The following GALNT17 variants were observed in gnomAD, a reference collection of about 807,000 sequenced individuals.
The protein encoded by GALNT17 is polypeptide N-acetylgalactosaminyltransferase 17.
A neutral mutation model predicts 63.7 loss-of-function variants in GALNT17; 29 were observed. The ratio of observed to expected loss-of-function variants is 0.46; its 90% CI spans 0.34 to 0.62. GALNT17 has a LOEUF of 0.62. Ranked by LOEUF, GALNT17 falls within the 20% of genes least tolerant of loss-of-function variation. The pLI, the probability that GALNT17 is intolerant of heterozygous loss-of-function variation, is 0.01. For synonymous variants in GALNT17, 305 were observed against 318.3 expected, an observed-to-expected ratio of 0.96 and a Z score of 0.45; for missense variants, 603 against 799.6, an observed-to-expected ratio of 0.75 and a Z score of 2.97.
chr7:71,320,500 C>T (rs1172616885), intron 1 of GALNT17, among the ~76,000 whole-genome samples: 1 of 152,084 alleles, frequency 6.6e-6, no homozygotes, highest in Non-Finnish European at 1.5e-5. Flanking sequence ...GTCCTCCTGC[C>T]TTGACCTCCC....
intron 5 of GALNT17, among the ~76,000 whole-genome samples, chr7:71,535,800 G>T (rs1788793960): frequency 6.6e-6 from 1 of 152,190 alleles, no homozygotes; most frequent in Admixed American, 6.5e-5. Flanking sequence ...TGGGCCAAGT[G>T]TCAAGATCCA....
intron 5 of GALNT17, among the ~76,000 whole-genome samples, chr7:71,484,621 C>A (rs1787879356): frequency 6.6e-6 from 1 of 152,074 alleles, no homozygotes; most frequent in African/African-American, 2.4e-5. Context: ...GCTACGACAT[C>A]ATTAGGTGAT....
chr7:71,619,745 T>A (rs2116968861), intron 6 of GALNT17, among the ~76,000 whole-genome samples: 1 of 152,292 alleles, frequency 6.6e-6, no homozygotes, highest in East Asian at 1.9e-4. Flanking sequence ...TGAAGAGAGA[T>A]CATTGGATCT....
intron 5 of GALNT17, among the ~76,000 whole-genome samples, chr7:71,488,073 G>A (rs1162021981): frequency 6.6e-6 from 1 of 151,874 alleles, no homozygotes; most frequent in Non-Finnish European, 1.5e-5. Flanking sequence ...GGGAGACCAA[G>A]GCGGAAGGAT....
intron 1 of GALNT17, among the ~76,000 whole-genome samples, chr7:71,231,385 A>G (rs910481977): frequency 2.6e-5 from 4 of 152,114 alleles, no homozygotes; most frequent in African/African-American, 9.7e-5. Flanking sequence ...AATCTGCAAC[A>G]TGGCAGGCGA....
At chr7:71,426,550 T>A (rs1786763931) in intron 5 of GALNT17, among the ~76,000 whole-genome samples, 1 of 152,162 alleles carries the variant, frequency 6.6e-6, no homozygotes, top group Non-Finnish European at 1.5e-5. Flanking sequence ...AACCTGGCAC[T>A]GGCATCTTGG....
intron 6 of GALNT17, among the ~76,000 whole-genome samples, chr7:71,596,124 C>T (rs1055113186): frequency 2.6e-5 from 4 of 152,076 alleles, no homozygotes; most frequent in Non-Finnish European, 2.9e-5. Flanking sequence ...CTGCAACCTC[C>T]GCCTCCTGGG....
rs144028983 is a variant in GALNT17, at chr7:71,571,309, G to C, written c.987G>C (p.Ser329=). The change falls in exon 6 of 11, where the codon TCG becomes TCC. Residue 329 remains serine, a synonymous_variant. Transcript: ENST00000333538. ...GGACCCCAGCCATGATAGGCTGCTC[G>C]TTCGTGGTCAACAGGAAGTTCTTCG... is the stretch of plus-strand genomic sequence containing the variant. ...PIRTPAMIGC[S]FVVNRKFFGE... The C allele has an allele frequency of 1.2e-6, 2 of 1,613,924 alleles. No homozygotes were observed. Among genetic ancestry groups the C allele is most frequent in the African/African-American group, 1.3e-5 (1 of 74,916 alleles).
intron 9 of GALNT17, among the ~76,000 whole-genome samples, chr7:71,694,202 A>G (rs756596288): frequency 6.9e-4 from 105 of 152,108 alleles, no homozygotes; most frequent in Non-Finnish European, 1.3e-3. Flanking sequence ...TAGCACAGGA[A>G]AGACCCACCT....
chr7:71,368,607 G>A (rs745571282), intron 2 of GALNT17, among the ~76,000 whole-genome samples: 13 of 152,028 alleles, frequency 8.6e-5, no homozygotes, highest in Non-Finnish European at 1.6e-4. Flanking sequence ...TTATCCTTCC[G>A]TGTCATAATT....
chr7:71,502,598 A>G (rs555400428), intron 5 of GALNT17, among the ~76,000 whole-genome samples: 62 of 152,278 alleles, frequency 4.1e-4, no homozygotes, highest in African/African-American at 1.4e-3. Flanking sequence ...GACCATGTGA[A>G]CAGGAACTAT....
chr7:71,676,561 TG>T (rs1374825038), intron 8 of GALNT17, among the ~76,000 whole-genome samples: 1 of 152,058 alleles, frequency 6.6e-6, no homozygotes, highest in African/African-American at 2.4e-5. Context: ...TTTGTTTTAA[TG>T]TTTTTTTAGG....
chr7:71,189,242 C>T (rs949321880), intron 1 of GALNT17, among the ~76,000 whole-genome samples: 12 of 152,108 alleles, frequency 7.9e-5, no homozygotes, highest in African/African-American at 2.4e-4. Flanking sequence ...TCTTGCCTGC[C>T]GCCATGTAAG....
At chr7:71,390,612 G>A (rs572670158) in intron 3 of GALNT17, among the ~76,000 whole-genome samples, 1 of 152,194 alleles carries the variant, frequency 6.6e-6, no homozygotes, top group South Asian at 2.1e-4. Context: ...TCTGCTCTGT[G>A]GCCTTTCTCT....
At chr7:71,468,963 T>C (rs1455195654) in intron 5 of GALNT17, among the ~76,000 whole-genome samples, 1 of 152,090 alleles carries the variant, frequency 6.6e-6, no homozygotes, top group Non-Finnish European at 1.5e-5. Context: ...CAGAGATTGG[T>C]GGGGGACAGA....
chr7:71,491,573 G>A lies in GALNT17; in HGVS notation c.962+70468G>A, dbSNP rs935325806. 4.6e-5 allele frequency among the ~76,000 whole-genome samples: 7 copies of A among 152,116 alleles called. No homozygotes were observed. In the East Asian group the frequency reaches 9.7e-4, roughly 21 times the overall value. On this transcript the variant is annotated intron_variant, in intron 5 of 10. Transcript: ENST00000333538. ...AGAGGCAGGGTTCCCATATCAGCCC[G>A]GATAGGTTAGCTTGCTGAAGTGGCC...
intron 5 of GALNT17, among the ~76,000 whole-genome samples, chr7:71,474,934 A>T (rs1416537839): frequency 1.3e-5 from 2 of 152,134 alleles, no homozygotes; most frequent in Non-Finnish European, 2.9e-5. Flanking sequence ...GGAGATTAGA[A>T]GGTGGTGTGA....
intron 1 of GALNT17, among the ~76,000 whole-genome samples, chr7:71,197,682 A>G (rs976013401): frequency 3.3e-5 from 5 of 152,082 alleles, no homozygotes; most frequent in Admixed American, 6.6e-5. Context: ...TCCACAAATA[A>G]GGGAGAGTCA....
chr7:71,453,926 C>T (rs562040914), intron 5 of GALNT17, among the ~76,000 whole-genome samples: 8 of 152,266 alleles, frequency 5.3e-5, no homozygotes, highest in African/African-American at 1.7e-4. Context: ...GGGCTTTCCA[C>T]GTCTTTCTTC....
Sources: gnomAD v4.1 joint callset for allele counts (sites outside exome capture counted in the v4.1 genomes callset) on GRCh38, gnomAD v4.1.1 for gene constraint, MANE v1.5 for transcripts, NCBI Gene and HGNC (gene_info 2026-07-23, HGNC 2026-07-21) for gene names.